The following FSD1L variants were observed in gnomAD, a reference collection of about 807,000 sequenced individuals.
FSD1L encodes the protein fibronectin type III and SPRY domain containing 1 like.
Under a neutral mutation model 71.6 loss-of-function variants are expected in FSD1L, and 45 were observed. The observed-to-expected ratio is 0.63, with a 90% CI of 0.49 to 0.81. FSD1L has a LOEUF of 0.81. Ranked by LOEUF, FSD1L falls within the 30% of genes least tolerant of loss-of-function variation. The pLI, the probability that FSD1L is intolerant of heterozygous loss-of-function variation, is 0.00. For synonymous variants in FSD1L, 197 were observed against 207.2 expected (o/e 0.95, Z 0.42); for missense variants, 561 against 618.1 (o/e 0.91, Z 0.98).
intron 4 of FSD1L, among the ~76,000 whole-genome samples, chr9:105,470,486 A>C (rs893058996): frequency 2.0e-5 from 3 of 152,232 alleles, no homozygotes; most frequent in South Asian, 2.1e-4. Flanking sequence ...ATTTATTTCA[A>C]AGTATGCTGT....
intron 7 of FSD1L, among the ~76,000 whole-genome samples, chr9:105,499,901 A>G (rs1833663436): frequency 6.6e-6 from 1 of 151,754 alleles, no homozygotes; most frequent in South Asian, 2.1e-4. Flanking sequence ...TTGCTGTTTC[A>G]TCTTGCAGGT....
chr9:105,495,136 G>T (rs886615301), intron 7 of FSD1L, among the ~76,000 whole-genome samples: 2 of 152,208 alleles, frequency 1.3e-5, no homozygotes, highest in African/African-American at 4.8e-5. Context: ...GCCTCCTTGA[G>T]CTGTGGTGGG....
intron 13 of FSD1L, among the ~76,000 whole-genome samples, chr9:105,545,731 G>A (rs1208376940): frequency 6.6e-6 from 1 of 152,000 alleles, no homozygotes; most frequent in Non-Finnish European, 1.5e-5. Context: ...TACGTTTATT[G>A]GTTTGCGTAT....
intron 10 of FSD1L, chr9:105,524,712 C>G: frequency 6.2e-7 from 1 of 1,613,896 alleles, no homozygotes; most frequent in Non-Finnish European, 8.5e-7. Context: ...ATCTTCTAAA[C>G]TCCAGCCAGT....
intron 7 of FSD1L, among the ~76,000 whole-genome samples, chr9:105,491,030 G>C (rs889518071): frequency 1.2e-4 from 18 of 151,828 alleles, no homozygotes; most frequent in South Asian, 1.0e-3. Context: ...TAGTTTTTTC[G>C]AATTCTGTGA....
intron 6 of FSD1L, among the ~76,000 whole-genome samples, chr9:105,479,823 C>T (rs1588970960): frequency 6.6e-6 from 1 of 152,164 alleles, no homozygotes; most frequent in South Asian, 2.1e-4. Context: ...TGTTTAACAC[C>T]TTGTATTCTC....
At position 105,480,624 on chromosome 9, in the gene FSD1L, A is replaced by G. The variant is rs553342810; in HGVS notation, c.464+1248A>G. 9.9e-5 allele frequency among the ~76,000 whole-genome samples: 15 copies of G among 152,252 alleles called. 1 individual carries two copies. Among genetic ancestry groups the G allele is most frequent in the East Asian group, 9.7e-4 (5 of 5,170 alleles). ...AATTTTTATATTTTTTGTATATTTT[A>G]CATCAGGCAGTAGCTAAAGACATGG... On this transcript the variant is annotated intron_variant, in intron 6 of 13. Coordinates refer to ENST00000481272, the MANE Select transcript of FSD1L (RefSeq NM_001145313.3).
Position 105,547,971 on chromosome 9 carries a change from T to A in FSD1L, c.*1488T>A, listed in dbSNP as rs1010574031. 2.0e-5 allele frequency: 3 copies of A among 152,090 alleles called. No individual in the cohort carries two copies. The highest frequency in any genetic ancestry group is 1.3e-4 in the Admixed American group (2 of 15,258). The allele number at this position is 152,090 out of a possible 1,614,324, so 9.4% of individuals were successfully genotyped here. On this transcript the variant is annotated 3_prime_UTR_variant, in exon 14 of 14. Coordinates refer to ENST00000481272, the MANE Select transcript of FSD1L (RefSeq NM_001145313.3). Reference sequence around the variant, plus strand: ...CTACATAGAGACTTGTATAATAGTATTAATAGTAGCTCATTCTCTCTAAAA... The same window carrying A: ...CTACATAGAGACTTGTATAATAGTAATAATAGTAGCTCATTCTCTCTAAAA...
intron 10 of FSD1L, chr9:105,523,637 A>C: frequency 1.9e-6 from 3 of 1,609,844 alleles, no homozygotes; most frequent in Non-Finnish European, 2.5e-6. Flanking sequence ...GAATTCTTAC[A>C]CCTTGGCTTT....
At chr9:105,488,650 G>A (rs1196574105) in intron 7 of FSD1L, among the ~76,000 whole-genome samples, 1 of 152,122 alleles carries the variant, frequency 6.6e-6, no homozygotes, top group African/African-American at 2.4e-5. Context: ...ATAGAGTTCT[G>A]TTGCTTCACA....
At chr9:105,501,898 T>G (rs1833786440) in intron 7 of FSD1L, among the ~76,000 whole-genome samples, 1 of 152,150 alleles carries the variant, frequency 6.6e-6, no homozygotes, top group East Asian at 1.9e-4. Flanking sequence ...GTTTTCCAGG[T>G]CAGTTAGGTT....
intron 13 of FSD1L, among the ~76,000 whole-genome samples, chr9:105,544,885 C>G (rs960799471): frequency 1.3e-5 from 2 of 151,914 alleles, no homozygotes; most frequent in African/African-American, 4.8e-5. Context: ...TGTTCTTTTT[C>G]CTTAGGATTG....
chr9:105,540,059 G>A (rs1010707775), intron 13 of FSD1L, among the ~76,000 whole-genome samples: 3 of 151,986 alleles, frequency 2.0e-5, no homozygotes, highest in East Asian at 3.8e-4. Context: ...CTGTAAAATT[G>A]CCGGTTTTCT....
At chr9:105,479,108 C>T (rs777860789) in intron 5 of FSD1L, among the ~76,000 whole-genome samples, 9 of 152,182 alleles carry the variant, frequency 5.9e-5, no homozygotes, top group East Asian at 1.9e-4. Context: ...GGAATTTGTT[C>T]GAAGTGTTAA....
chr9:105,518,822 T>G (rs1834910170), intron 10 of FSD1L, among the ~76,000 whole-genome samples: 1 of 151,808 alleles, frequency 6.6e-6, no homozygotes, highest in African/African-American at 2.4e-5. Context: ...AGAGCAGAAC[T>G]GAAGGAGATA....
At position 105,451,023 on chromosome 9, in the gene FSD1L, G is replaced by A. The variant is rs567665262; in HGVS notation, c.15+2788G>A. Among the ~76,000 whole-genome samples the A allele has an allele frequency of 3.6e-4, 54 of 151,812 alleles. No individual in the cohort carries two copies. In the South Asian group the frequency reaches 0.011, roughly 32 times the overall value. ...CCAGGCTGGAGTAGTGCAGTGGCGCGATCTTGGCTCACTGCAAGCTCCACC... is the reference window on the plus strand; with the variant it reads ...CCAGGCTGGAGTAGTGCAGTGGCGCAATCTTGGCTCACTGCAAGCTCCACC... On this transcript the variant is annotated intron_variant, in intron 1 of 13. Transcript: ENST00000481272.
chr9:105,529,536 G>A (rs1184984125), intron 10 of FSD1L, among the ~76,000 whole-genome samples: 4 of 152,008 alleles, frequency 2.6e-5, no homozygotes, highest in Non-Finnish European at 2.9e-5. Context: ...AAAACCAAAC[G>A]CCACGTGTTC....
chr9:105,480,448 C>T (rs1287245177), intron 6 of FSD1L, among the ~76,000 whole-genome samples: 1 of 152,198 alleles, frequency 6.6e-6, no homozygotes, highest in South Asian at 2.1e-4. Flanking sequence ...TGTGCCACCA[C>T]ACCCAGCTAA....
At chr9:105,507,267 C>T (rs2131360565) in intron 8 of FSD1L, among the ~76,000 whole-genome samples, 1 of 152,146 alleles carries the variant, frequency 6.6e-6, no homozygotes. Flanking sequence ...TTTGTGTTGA[C>T]CTTTTGAAAG....
Sources: gnomAD v4.1 joint callset for allele counts (sites outside exome capture counted in the v4.1 genomes callset) on GRCh38, gnomAD v4.1.1 for gene constraint, MANE v1.5 for transcripts, NCBI Gene and HGNC (gene_info 2026-07-23, HGNC 2026-07-21) for gene names.